Variants in FANCA observed in about 807,000 individuals in gnomAD.
The protein encoded by FANCA is FA complementation group A.
FANCA carries 236 observed loss-of-function variants against 194.3 expected under a neutral mutation model. That is an observed-to-expected ratio of 1.21 (90% confidence interval 1.09 to 1.35). The LOEUF is 1.35. Among genes scored for constraint, FANCA ranks in the 40% most tolerant of loss-of-function variants. FANCA has a pLI of 0.00. For missense variants in FANCA, 2,628 were observed against 1,813.9 expected (o/e 1.45, Z -8.15); for synonymous variants, 1,014 against 715.8 (o/e 1.42, Z -6.65).
At chr16:89,780,346 G>C (rs1190089582) in intron 17 of FANCA, among the ~76,000 whole-genome samples, 1 of 152,132 alleles carries the variant, frequency 6.6e-6, no homozygotes. Flanking sequence ...CGAGGGCTGG[G>C]TGCCATGACT....
In FANCA at chr16:89,738,171, G is replaced by A; in HGVS notation, c.*430C>T. The A allele has an allele frequency of 6.2e-7, 1 of 1,613,026 alleles. No homozygotes were observed. The highest frequency in any genetic ancestry group is 8.5e-7 in the Non-Finnish European group (1 of 1,179,838). On this transcript the variant is annotated 3_prime_UTR_variant, in exon 43 of 43. Transcript: ENST00000389301. ...CCCAGGACAAGGCCCTGCCCCTGGA[G>A]GCGGAACCACCACCTGGGCCACCGA...
chr16:89,751,191 C>G (rs1161227937), intron 31 of FANCA, among the ~76,000 whole-genome samples: 1 of 152,066 alleles, frequency 6.6e-6, no homozygotes, highest in Non-Finnish European at 1.5e-5. Context: ...CCGTGCCTGG[C>G]CGGCTGTATT....
At chr16:89,762,691 G>C (rs889672215) in intron 28 of FANCA, 5 of 427,452 alleles carry the variant, frequency 1.2e-5, no homozygotes, top group South Asian at 4.9e-5. Flanking sequence ...TGTGTGCAGT[G>C]GTGCAATCGT....
At position 89,815,927 on chromosome 16, in the gene FANCA, C is replaced by T. The variant is rs1190475225; in HGVS notation, c.139G>A (p.Ala47Thr). 3.7e-6 allele frequency: 6 copies of T among 1,614,158 alleles called. No individual in the cohort carries two copies. The highest frequency in any genetic ancestry group is 1.7e-5 in the Admixed American group (1 of 60,024). ...PERAQKLKES[A>T]VRLLRSHQDL... ...TGATGGCTTCGCAGGAGGCGCACAGCTGATTCCTTTAATTTCTGTGCCCTT... is the reference window on the plus strand; with the variant it reads ...TGATGGCTTCGCAGGAGGCGCACAGTTGATTCCTTTAATTTCTGTGCCCTT... Residue 47 changes from alanine to threonine, a missense_variant, in exon 2 of 43, where the codon GCT becomes ACT. Transcript: ENST00000389301.
intron 8 of FANCA, among the ~76,000 whole-genome samples, chr16:89,802,661 C>T (rs2143610603): frequency 1.3e-5 from 2 of 152,086 alleles, no homozygotes; most frequent in South Asian, 4.2e-4. Flanking sequence ...CCTCGTCCTC[C>T]CAAAGTGCTG....
At position 89,778,034 on chromosome 16, in the gene FANCA, C is replaced by T. The variant is rs571078750; in HGVS notation, c.1826+767G>A. Among the ~76,000 whole-genome samples the T allele has an allele frequency of 1.2e-3, 179 of 149,284 alleles. 2 individuals carry two copies. The highest frequency in any genetic ancestry group is 4.2e-3 in the African/African-American group (171 of 40,552). ...AAAATTAGCCGGGCGTGGTGGTGCGCGCCTGTAATCCCAGCTACTCAGGAG... is the reference window on the plus strand; with the variant it reads ...AAAATTAGCCGGGCGTGGTGGTGCGTGCCTGTAATCCCAGCTACTCAGGAG... On this transcript the variant is annotated intron_variant, in intron 20 of 42. Coordinates refer to ENST00000389301, the MANE Select transcript of FANCA (RefSeq NM_000135.4).
chr16:89,809,834 C>A (rs1175990040), intron 5 of FANCA, among the ~76,000 whole-genome samples: 3 of 149,396 alleles, frequency 2.0e-5, no homozygotes, highest in African/African-American at 7.4e-5. Context: ...GCCTGGGCAA[C>A]AAGAGCAAAA....
At position 89,762,004 on chromosome 16, in the gene FANCA, A is replaced by G. The variant is rs961319091; in HGVS notation, c.2797T>C (p.Leu933=). 1.9e-6 allele frequency: 3 copies of G among 1,613,966 alleles called. No individual in the cohort carries two copies. The highest frequency in any genetic ancestry group is 1.1e-5 in the South Asian group (1 of 91,078). Residue 933 remains leucine (L), a synonymous_variant, in exon 29 of 43, where the codon TTA becomes CTA. Coordinates refer to ENST00000389301, the MANE Select transcript of FANCA (RefSeq NM_000135.4). The part of the protein sequence containing the change: ...EDVHLTYQDW[L]HLELEIQPEA... ...GGTTGAATTTCCAGCTCCAGGTGTA[A>G]CCAGTCTTGGTAAGTTAACTGAGAA...
In FANCA at chr16:89,740,801, T is replaced by TA. The variant is rs2062114186; in HGVS notation, c.3828+2dup. On this transcript the variant is annotated splice_region_variant and intron_variant, in intron 38 of 42. Coordinates refer to ENST00000389301, the MANE Select transcript of FANCA (RefSeq NM_000135.4). ...ACACCTTGGCTGGTAAGGTCTGACTTACATTTGAGGTCAGATGTGACGACA... is the reference window on the plus strand; with the variant it reads ...ACACCTTGGCTGGTAAGGTCTGACTTAACATTTGAGGTCAGATGTGACGACA... 2 of 1,613,276 alleles carry TA rather than the reference T, an allele frequency of 1.2e-6. No homozygotes were observed. The highest frequency in any genetic ancestry group is 1.7e-5 in the Admixed American group (1 of 59,960).
chr16:89,770,250 G>T lies in FANCA; in HGVS notation c.2232C>A (p.Pro744=). The T allele has an allele frequency of 6.3e-7, 1 of 1,577,984 alleles. No homozygotes were observed. Among genetic ancestry groups the T allele is most frequent in the South Asian group, 1.2e-5 (1 of 86,068 alleles). ...TGGTCCTCACGAAGAGGGCAGCCCA[G>T]GGACCCTGCCTGCAGAGACAGCCGT... is the stretch of plus-strand genomic sequence containing the variant. ...SSVAPPERQG[P]WAALFVRTMC... Residue 744 remains proline, a synonymous_variant, in exon 25 of 43, where the codon CCC becomes CCA. Coordinates refer to ENST00000389301, the MANE Select transcript of FANCA (RefSeq NM_000135.4).
At chr16:89,744,304 G>C (rs760307262) in intron 36 of FANCA, among the ~76,000 whole-genome samples, 5 of 152,208 alleles carry the variant, frequency 3.3e-5, no homozygotes, top group African/African-American at 1.2e-4. Flanking sequence ...AAGGAGGCAG[G>C]ATGGGTACTA....
At chr16:89,776,855 AT>A (rs111333464) in intron 20 of FANCA, among the ~76,000 whole-genome samples, 13 of 152,272 alleles carry the variant, frequency 8.5e-5, no homozygotes, top group African/African-American at 2.9e-4. Flanking sequence ...AGAAAAAAAA[AT>A]AAAACGCATT....
intron 13 of FANCA, 29 bp from the exon 14 acceptor site, chr16:89,791,565 C>A (rs1273620904): frequency 1.2e-6 from 2 of 1,613,304 alleles, no homozygotes; most frequent in African/African-American, 2.7e-5. Flanking sequence ...ATAGTCACAG[C>A]AAGGCAAGGG....
rs1311580284 is a variant in FANCA at position 89,792,455 on chromosome 16, T to A, written c.1083+16A>T. The A allele has an allele frequency of 6.2e-7, 1 of 1,612,222 alleles. No individual in the cohort carries two copies. The highest frequency in any genetic ancestry group is 1.7e-5 in the Admixed American group (1 of 60,008). On this transcript the variant is annotated intron_variant, in intron 12 of 42. Transcript: ENST00000389301. ...GCCACGAGCTCAGAAGCAGGTATAATACCACATCCACTCACCCTGCGGTAC... is the reference window on the plus strand; with the variant it reads ...GCCACGAGCTCAGAAGCAGGTATAAAACCACATCCACTCACCCTGCGGTAC...
chr16:89,776,982 CAGG>C (rs1243863705), intron 20 of FANCA, among the ~76,000 whole-genome samples: 5 of 151,740 alleles, frequency 3.3e-5, no homozygotes, highest in Admixed American at 1.3e-4. Context: ...GAAGTTGAAG[CAGG>C]AGGATTATTT....
intron 14 of FANCA, among the ~76,000 whole-genome samples, chr16:89,785,897 C>G (rs1447538876): frequency 7.1e-6 from 1 of 140,862 alleles, no homozygotes; most frequent in African/African-American, 2.8e-5. Context: ...CTCTGTCACC[C>G]AGGCTGGAGT....
intron 1 of FANCA, 138 bp from the exon 2 acceptor site, chr16:89,816,124 G>A (rs1451660231): frequency 1.4e-6 from 1 of 716,516 alleles, no homozygotes; most frequent in African/African-American, 1.7e-5. Context: ...TCCCCAGGGC[G>A]CAGGTCTCGG....
intron 21 of FANCA, 122 bp downstream of exon 21, chr16:89,775,620 A>G: frequency 1.3e-6 from 1 of 768,282 alleles, no homozygotes; most frequent in Non-Finnish European, 2.3e-6. Flanking sequence ...TACCCAAAGC[A>G]CCGGCTTGAG....
chr16:89,743,060 G>C (rs1365302885), intron 36 of FANCA, 122 bp from the exon 37 acceptor site: 16 of 1,189,864 alleles, frequency 1.3e-5, no homozygotes, highest in Non-Finnish European at 1.9e-5. Context: ...GGACAGAGAA[G>C]GGTTTCAGGA....
Sources: allele counts gnomAD v4.1 joint callset (sites outside exome capture counted in the v4.1 genomes callset), GRCh38; gene constraint gnomAD v4.1.1; transcripts MANE v1.5; gene names NCBI Gene and HGNC (gene_info 2026-07-23, HGNC 2026-07-21).